The following HAPLN1 variants were observed in gnomAD, a reference collection of about 807,000 sequenced individuals.
HAPLN1 encodes the protein Cartilage link protein.
HAPLN1 carries 13 observed loss-of-function variants against 36.5 expected under a neutral mutation model. That is an observed-to-expected ratio of 0.36 (90% CI 0.23 to 0.57). The LOEUF (loss-of-function observed/expected upper bound fraction) is 0.57. HAPLN1 is among the 20% of genes least tolerant of loss of function. The pLI, the probability that HAPLN1 is intolerant of heterozygous loss-of-function variation, is 0.83. For synonymous variants in HAPLN1, 202 were observed against 169.8 expected (o/e 1.19, Z -1.48); for missense variants, 407 against 439.7 (o/e 0.93, Z 0.66).
At chr5:83,676,755 C>T (rs148231602) in intron 1 of HAPLN1, among the ~76,000 whole-genome samples, 7 of 152,282 alleles carry the variant, frequency 4.6e-5, no homozygotes, top group African/African-American at 1.7e-4. Context: ...CCACAACCAG[C>T]TATTATCAAC....
intron 3 of HAPLN1, among the ~76,000 whole-genome samples, chr5:83,651,476 C>T (rs958203782): frequency 3.0e-5 from 4 of 134,724 alleles, no homozygotes; most frequent in Non-Finnish European, 4.8e-5. Context: ...TGAGAGACAA[C>T]GAAAGGTCAC....
At chr5:83,712,564 CT>C (rs1751815520) in intron 1 of HAPLN1, among the ~76,000 whole-genome samples, 1 of 151,842 alleles carries the variant, frequency 6.6e-6, no homozygotes, top group Non-Finnish European at 1.5e-5. Context: ...TTTAGATCAT[CT>C]TTTTAATATA....
chr5:83,667,843 A>T (rs984344224), intron 2 of HAPLN1, among the ~76,000 whole-genome samples: 2 of 152,224 alleles, frequency 1.3e-5, no homozygotes, highest in African/African-American at 4.8e-5. Context: ...CTCTTCAAAG[A>T]TGCATACATG....
chr5:83,645,725 T>G (rs1443871940), intron 3 of HAPLN1, among the ~76,000 whole-genome samples: 2 of 152,152 alleles, frequency 1.3e-5, no homozygotes, highest in African/African-American at 4.8e-5. Context: ...TTACTTTTAA[T>G]GTAGCCCTTA....
At chr5:83,694,199 G>A (rs2112622948) in intron 1 of HAPLN1, among the ~76,000 whole-genome samples, 1 of 151,890 alleles carries the variant, frequency 6.6e-6, no homozygotes, top group African/African-American at 2.4e-5. Flanking sequence ...AATAACCCAA[G>A]GGTCAGTGAA....
intron 1 of HAPLN1, among the ~76,000 whole-genome samples, chr5:83,712,749 T>C (rs1189589843): frequency 6.6e-6 from 1 of 152,112 alleles, no homozygotes; most frequent in Non-Finnish European, 1.5e-5. Context: ...AATTGAACTT[T>C]AGAAAAACAA....
intron 1 of HAPLN1, among the ~76,000 whole-genome samples, chr5:83,705,528 A>G (rs914963727): frequency 2.6e-5 from 4 of 152,214 alleles, no homozygotes; most frequent in East Asian, 1.9e-4. Context: ...TGAAACTAAT[A>G]ACAACAAAGA....
At chr5:83,697,614 T>C (rs1410797198) in intron 1 of HAPLN1, among the ~76,000 whole-genome samples, 1 of 152,184 alleles carries the variant, frequency 6.6e-6, no homozygotes, top group Non-Finnish European at 1.5e-5. Context: ...CCAAACTGTA[T>C]TCCAAAGCAC....
chr5:83,693,986 G>A (rs1013255879), intron 1 of HAPLN1, among the ~76,000 whole-genome samples: 4 of 151,974 alleles, frequency 2.6e-5, no homozygotes, highest in African/African-American at 7.2e-5. Context: ...CTCAACAAGA[G>A]CAAGTACACA....
intron 3 of HAPLN1, among the ~76,000 whole-genome samples, chr5:83,647,934 T>C (rs1749920719): frequency 6.6e-6 from 1 of 152,216 alleles, no homozygotes; most frequent in Non-Finnish European, 1.5e-5. Context: ...TTTCTGATAG[T>C]TCTCAGACTA....
At chr5:83,648,002 G>A (rs1749923271) in intron 3 of HAPLN1, among the ~76,000 whole-genome samples, 1 of 152,084 alleles carries the variant, frequency 6.6e-6, no homozygotes, top group Admixed American at 6.5e-5. Flanking sequence ...ATGGAAGTTT[G>A]GAAGCATAAA....
chr5:83,642,198 G>A (rs929280498), intron 4 of HAPLN1, among the ~76,000 whole-genome samples: 3 of 151,836 alleles, frequency 2.0e-5, no homozygotes, highest in Admixed American at 2.0e-4. Flanking sequence ...AATGTGAAAG[G>A]ATCAAAACAC....
At chr5:83,684,211 A>G (rs182068731) in intron 1 of HAPLN1, among the ~76,000 whole-genome samples, 1 of 152,310 alleles carries the variant, frequency 6.6e-6, no homozygotes, top group African/African-American at 2.4e-5. Context: ...CCAGCCTTAC[A>G]TATCTCAGGG....
chr5:83,713,682 T>G (rs970896847), intron 1 of HAPLN1, among the ~76,000 whole-genome samples: 24 of 152,178 alleles, frequency 1.6e-4, no homozygotes, highest in African/African-American at 5.8e-4. Context: ...AGACTAATCA[T>G]TTTCTCCCAG....
chr5:83,638,789 A>G lies in HAPLN1; in HGVS notation c.*2707T>C, dbSNP rs1256280722. On this transcript the variant is annotated 3_prime_UTR_variant, in exon 5 of 5. Transcript: ENST00000274341. ...ACAATATGACAGCACTCACTTAAAG[A>G]TGGCTTCCAGTGTTAATGTGACCAA... 6.6e-6 allele frequency: 1 copy of G among 152,052 alleles called. No homozygotes were observed. Among genetic ancestry groups the G allele is most frequent in the Non-Finnish European group, 1.5e-5 (1 of 67,942 alleles). 9.4% of individuals were successfully genotyped at this position (152,052 alleles called of 1,614,324 possible). A position where few individuals can be genotyped will look rare whatever the true frequency, so the allele number is the denominator to read the frequency against.
chr5:83,686,168 A>AAATT (rs1751119989), intron 1 of HAPLN1: 1 of 149,338 alleles, frequency 6.7e-6, no homozygotes, highest in African/African-American at 2.5e-5. Flanking sequence ...AAAAAAAGAA[A>AAATT]TGTCAAGACT....
intron 1 of HAPLN1, chr5:83,682,426 C>T (rs1341645240): frequency 6.6e-6 from 1 of 152,140 alleles, no homozygotes; most frequent in Non-Finnish European, 1.5e-5. Context: ...GTTTTATGAT[C>T]ATCGATTTAC....
chr5:83,658,610 C>T (rs1561305299), intron 2 of HAPLN1, among the ~76,000 whole-genome samples: 1 of 152,152 alleles, frequency 6.6e-6, no homozygotes, highest in African/African-American at 2.4e-5. Flanking sequence ...AAGAGTGCCT[C>T]ACTTATTAAC....
At position 83,652,569 on chromosome 5, in the gene HAPLN1, T is replaced by C; in HGVS notation, c.356A>G (p.Asp119Gly). Residue 119 changes from aspartate (D) to glycine (G), a missense_variant, in exon 3 of 5, where the codon GAT (aspartate) becomes GGT (glycine). Physicochemically the swap from Asp to Gly is moderately conservative, Grantham distance 94. Coordinates refer to ENST00000274341, the MANE Select transcript of HAPLN1 (RefSeq NM_001884.4). ...QGRVFLKGGSDSDASLVITDL... is the reference protein window; with the variant it reads ...QGRVFLKGGSGSDASLVITDL... ...TGTGATGACCAGAGAAGCATCACTA[T>C]CACTGCCTCCCTTCAGAAACACTCT... 6.2e-7 allele frequency: 1 copy of C among 1,614,198 alleles called. No homozygotes were observed. The highest frequency in any genetic ancestry group is 1.1e-5 in the South Asian group (1 of 91,086).
Sources: allele counts gnomAD v4.1 joint callset (sites outside exome capture counted in the v4.1 genomes callset), GRCh38; gene constraint gnomAD v4.1.1; transcripts MANE v1.5; gene names NCBI Gene and HGNC (gene_info 2026-07-23, HGNC 2026-07-21).